The following RASAL2 variants were observed in gnomAD, a reference collection of about 807,000 sequenced individuals.
RASAL2 encodes ras GTPase-activating protein nGAP.
RASAL2 carries 58 observed loss-of-function variants against 128.9 expected under a neutral mutation model. That is an observed-to-expected ratio of 0.45 (90% CI 0.36 to 0.56). The LOEUF (loss-of-function observed/expected upper bound fraction) is 0.56, where lower values mean the gene tolerates loss of function less well. RASAL2 is among the 20% of genes least tolerant of loss of function. RASAL2 has a pLI of 0.00. For synonymous variants in RASAL2, 561 were observed against 580.8 expected, an observed-to-expected ratio of 0.97 and a Z score of 0.49; for missense variants, 1,360 against 1,601.6, an observed-to-expected ratio of 0.85 and a Z score of 2.57.
chr1:178,207,329 C>T (rs1381572941), intron 1 of RASAL2, among the ~76,000 whole-genome samples: 1 of 151,960 alleles, frequency 6.6e-6, no homozygotes, highest in African/African-American at 2.4e-5. Context: ...GCAGATTCAA[C>T]CAACCATGGA....
intron 17 of RASAL2, 148 bp from the exon 18 acceptor site, chr1:178,472,927 G>A: frequency 1.2e-6 from 1 of 855,866 alleles, no homozygotes; most frequent in Non-Finnish European, 1.8e-6. Context: ...CCTGACCAGT[G>A]TGCAGAAAGA....
intron 16 of RASAL2, among the ~76,000 whole-genome samples, chr1:178,466,656 C>T (rs990840101): frequency 1.3e-5 from 2 of 152,206 alleles, no homozygotes; most frequent in Non-Finnish European, 2.9e-5. Flanking sequence ...TTATTATTCT[C>T]ATTTTACAAA....
chr1:178,302,482 C>T (rs1667810219), intron 3 of RASAL2, among the ~76,000 whole-genome samples: 1 of 151,868 alleles, frequency 6.6e-6, no homozygotes, highest in Non-Finnish European at 1.5e-5. Context: ...AACTTTAAAA[C>T]ATAAAAGAAA....
intron 12 of RASAL2, chr1:178,456,511 G>A (rs529737627): frequency 4.8e-5 from 31 of 652,596 alleles, no homozygotes; most frequent in South Asian, 4.3e-4. Flanking sequence ...GATGTCTGCC[G>A]CACCTTGTTT....
At chr1:178,314,185 C>G (rs1442085991) in intron 3 of RASAL2, among the ~76,000 whole-genome samples, 1 of 152,188 alleles carries the variant, frequency 6.6e-6, no homozygotes, top group Non-Finnish European at 1.5e-5. Context: ...AGACTCACAG[C>G]AACCTTTGCT....
intron 1 of RASAL2, among the ~76,000 whole-genome samples, chr1:178,162,553 TAATATATCTTTATATAAAATATATATAA>T (rs1315836674): frequency 7.4e-6 from 1 of 135,274 alleles, no homozygotes; most frequent in Non-Finnish European, 1.5e-5. Context: ...AAAATATATA[TAATATATCTTTATATAAAATATATATAA>T]TATATATTTT....
intron 5 of RASAL2, among the ~76,000 whole-genome samples, chr1:178,427,698 T>C (rs1675600493): frequency 6.6e-6 from 1 of 152,134 alleles, no homozygotes; most frequent in African/African-American, 2.4e-5. Flanking sequence ...TGTAGTATAA[T>C]ATCAAAACCA....
chr1:178,432,565 A>G (rs1453577573), intron 5 of RASAL2, among the ~76,000 whole-genome samples: 1 of 152,064 alleles, frequency 6.6e-6, no homozygotes, highest in Non-Finnish European at 1.5e-5. Context: ...AGGAACCTCA[A>G]ACTCAACTTG....
intron 1 of RASAL2, among the ~76,000 whole-genome samples, chr1:178,128,490 A>G (rs1438182748): frequency 6.6e-6 from 1 of 152,148 alleles, no homozygotes; most frequent in Non-Finnish European, 1.5e-5. Flanking sequence ...TGTTGTTTTT[A>G]TTTGAAACAA....
In RASAL2 at chr1:178,202,021, T is replaced by C. The variant is rs1488229763; in HGVS notation, c.203-81543T>C. Among the ~76,000 whole-genome samples, 11 of 152,108 alleles carry C rather than the reference T, an allele frequency of 7.2e-5. 1 individual carries two copies. Among genetic ancestry groups the C allele is most frequent in the Admixed American group, 7.2e-4 (11 of 15,270 alleles). On this transcript the variant is annotated intron_variant, in intron 1 of 17. Transcript: ENST00000367649. ...CTCTGGCCTTTTACCAGAGTAACTG[T>C]GCATTGGAGAAAGGGAAATGATCAG... is the stretch of plus-strand genomic sequence containing the variant.
intron 1 of RASAL2, among the ~76,000 whole-genome samples, chr1:178,223,426 C>T (rs1663685092): frequency 6.6e-6 from 1 of 152,138 alleles, no homozygotes. Flanking sequence ...AGATCGTATA[C>T]CATCCAGTTG....
intron 3 of RASAL2, among the ~76,000 whole-genome samples, chr1:178,370,938 C>G (rs540421396): frequency 3.0e-4 from 45 of 152,098 alleles, no homozygotes; most frequent in African/African-American, 1.1e-3. Flanking sequence ...AAGCAGACTA[C>G]TAGAATAGAA....
chr1:178,265,076 A>G (rs1665882184), intron 1 of RASAL2, among the ~76,000 whole-genome samples: 1 of 152,206 alleles, frequency 6.6e-6, no homozygotes, highest in Non-Finnish European at 1.5e-5. Context: ...CCAAATATGT[A>G]TTTCTTATTA....
intron 1 of RASAL2, among the ~76,000 whole-genome samples, chr1:178,095,166 A>G (rs996663098): frequency 1.3e-5 from 2 of 152,248 alleles, no homozygotes; most frequent in South Asian, 2.1e-4. Flanking sequence ...AGACTAATCT[A>G]TAACCTCTGC....
At chr1:178,147,003 A>T (rs1054351818) in intron 1 of RASAL2, among the ~76,000 whole-genome samples, 2 of 152,162 alleles carry the variant, frequency 1.3e-5, no homozygotes, top group African/African-American at 2.4e-5. Context: ...CTCTCTTAAG[A>T]CTGGTTCATT....
At chr1:178,371,340 AC>A (rs879500043) in intron 3 of RASAL2, among the ~76,000 whole-genome samples, 1,463 of 143,420 alleles carry the variant, frequency 0.01, 12 homozygotes, top group Middle Eastern at 0.017. Flanking sequence ...ACACACACAC[AC>A]ACACACACAC....
In RASAL2 at chr1:178,127,510, G is replaced by A. The variant is rs191068956; in HGVS notation, c.202+32816G>A. On this transcript the variant is annotated intron_variant, in intron 1 of 17. Transcript: ENST00000367649. Reference sequence around the variant, plus strand: ...CTTTGTCATTGATAGTGTTTTCTCTGATTTTTAAAATTTCAGGGATAAATT... The same window carrying A: ...CTTTGTCATTGATAGTGTTTTCTCTAATTTTTAAAATTTCAGGGATAAATT... Among the ~76,000 whole-genome samples the A allele has an allele frequency of 2.5e-3, 383 of 152,008 alleles. 2 individuals are homozygous for A. Among genetic ancestry groups the A allele is most frequent in the Non-Finnish European group, 4.1e-3 (277 of 67,938 alleles).
At chr1:178,419,093 C>T (rs1282155409) in intron 4 of RASAL2, among the ~76,000 whole-genome samples, 2 of 152,056 alleles carry the variant, frequency 1.3e-5, no homozygotes, top group African/African-American at 2.4e-5. Context: ...TTGGTAGTTA[C>T]TAAAGGAATA....
At chr1:178,464,899 TA>T (rs1303551284) in intron 15 of RASAL2, among the ~76,000 whole-genome samples, 3 of 148,356 alleles carry the variant, frequency 2.0e-5, no homozygotes, top group African/African-American at 7.5e-5. Context: ...AAATGACTGT[TA>T]AAAGGATATT....
Sources: gnomAD v4.1 joint callset for allele counts (sites outside exome capture counted in the v4.1 genomes callset) on GRCh38, gnomAD v4.1.1 for gene constraint, MANE v1.5 for transcripts, NCBI Gene and HGNC (gene_info 2026-07-23, HGNC 2026-07-21) for gene names.